EVL: variants seen among roughly 807,000 people sequenced by gnomAD.
EVL encodes the protein Enah/Vasp-like.
EVL carries 21 observed loss-of-function variants against 59.6 expected under a neutral mutation model. The observed-to-expected ratio is 0.35, with a 90% confidence interval of 0.25 to 0.51. EVL has a LOEUF of 0.51. Among genes scored for constraint, EVL ranks in the 20% least tolerant of loss-of-function variants. EVL has a pLI of 0.97. For missense variants in EVL, 462 were observed against 546.6 expected, an observed-to-expected ratio of 0.85 and a Z score of 1.54; for synonymous variants, 198 against 203.5, an observed-to-expected ratio of 0.97 and a Z score of 0.23.
chr14:100,017,801 G>A (rs1345076521), intron 1 of EVL, among the ~76,000 whole-genome samples: 3 of 152,230 alleles, frequency 2.0e-5, no homozygotes, highest in East Asian at 1.9e-4. Context: ...GGTGATTGCT[G>A]TGTGGTTTGG....
chr14:99,987,742 A>T (rs149629070), intron 1 of EVL, among the ~76,000 whole-genome samples: 1,669 of 152,180 alleles, frequency 0.011, 8 homozygotes, highest in Non-Finnish European at 0.019. Context: ...CTATGAGGAA[A>T]AGGCCTTCAT....
intron 2 of EVL, among the ~76,000 whole-genome samples, chr14:100,090,188 AAAATT>A (rs1462075856): frequency 1.3e-5 from 2 of 152,222 alleles, no homozygotes; most frequent in African/African-American, 2.4e-5. Context: ...TCTTTGAAAA[AAAATT>A]AAATTAATAA....
At chr14:100,007,751 A>G (rs2060992115) in intron 1 of EVL, among the ~76,000 whole-genome samples, 1 of 152,196 alleles carries the variant, frequency 6.6e-6, no homozygotes, top group South Asian at 2.1e-4. Flanking sequence ...CAGCTAAAGC[A>G]GATAGATACT....
chr14:100,123,395 G>A (rs1486951105), intron 3 of EVL, 144 bp from the exon 4 acceptor site: 7 of 712,362 alleles, frequency 9.8e-6, no homozygotes, highest in Non-Finnish European at 1.5e-5. Context: ...ATGCACAGGT[G>A]TGAGTGAGGC....
Position 100,128,603 on chromosome 14 carries a change from CAGTCCCACCT to C in EVL, c.573_582del (p.Val192HisfsTer35). ...GGGCCTCCACCGCCCCCCCCACCCC[CAGTCCCACCT>C]CCACCCACTGGGGCTACCCCACCTC... On this transcript the variant is annotated frameshift_variant, in exon 6 of 14. Coordinates refer to ENST00000392920, the MANE Select transcript of EVL (RefSeq NM_016337.3). LOFTEE classifies it high-confidence loss of function. 2 of 1,407,472 alleles carry C rather than the reference CAGTCCCACCT, an allele frequency of 1.4e-6. No homozygotes were observed. The highest frequency in any genetic ancestry group is 9.7e-7 in the Non-Finnish European group (1 of 1,033,244). 87.2% of individuals were successfully genotyped at this position (1,407,472 alleles called of 1,614,324 possible). A position where few individuals can be genotyped will look rare whatever the true frequency, so the allele number is the denominator to read the frequency against.
chr14:100,085,593 A>G (rs1448917249), intron 2 of EVL, among the ~76,000 whole-genome samples: 1 of 152,216 alleles, frequency 6.6e-6, no homozygotes, highest in African/African-American at 2.4e-5. Context: ...TTTGTGAAAA[A>G]GTCTATATAA....
At chr14:99,993,685 CT>C (rs532512303) in intron 1 of EVL, among the ~76,000 whole-genome samples, 201 of 78,264 alleles carry the variant, frequency 2.6e-3, no homozygotes, top group South Asian at 4.3e-3. Flanking sequence ...TTCTTTCTTT[CT>C]TTTTTTTTTT....
chr14:100,105,610 T>G (rs1422483602), intron 3 of EVL, among the ~76,000 whole-genome samples: 5 of 151,846 alleles, frequency 3.3e-5, no homozygotes, highest in Non-Finnish European at 7.4e-5. Context: ...CTGGCTGTGC[T>G]CTTTCTTTGC....
intron 13 of EVL, among the ~76,000 whole-genome samples, chr14:100,143,397 G>A (rs1889317015): frequency 6.6e-6 from 1 of 152,132 alleles, no homozygotes; most frequent in South Asian, 2.1e-4. Flanking sequence ...TCACACCAGA[G>A]TTCTGGTGCC....
intron 1 of EVL, among the ~76,000 whole-genome samples, chr14:100,047,110 C>CTTTTTTTTTTTTTTTTTTTTT: frequency 4.6e-5 from 1 of 21,548 alleles, no homozygotes; most frequent in South Asian, 1.7e-3. Context: ...TTGGGCAGAT[C>CTTTTTTTTTTTTTTTTTTTTT]TCTCTCTCTT....
intron 1 of EVL, among the ~76,000 whole-genome samples, chr14:100,023,636 TA>T (rs1011118687): frequency 1.3e-5 from 2 of 151,572 alleles, no homozygotes; most frequent in African/African-American, 4.9e-5. Flanking sequence ...CTAATTTTTG[TA>T]ATTTTGTAGA....
intron 1 of EVL, among the ~76,000 whole-genome samples, chr14:99,973,660 A>G (rs1354046209): frequency 5.3e-5 from 8 of 152,134 alleles, no homozygotes; most frequent in Non-Finnish European, 2.9e-5. Context: ...ACGGGGTTTC[A>G]CCATGTTGGC....
At chr14:100,119,125 T>G (rs1055174510) in intron 3 of EVL, among the ~76,000 whole-genome samples, 1 of 152,280 alleles carries the variant, frequency 6.6e-6, no homozygotes, top group Non-Finnish European at 1.5e-5. Flanking sequence ...CCAGCCACCC[T>G]GCTCTTGTTT....
At chr14:100,139,646 T>G (rs1290242354) in intron 11 of EVL, 1 of 152,310 alleles carries the variant, frequency 6.6e-6, no homozygotes, top group East Asian at 1.9e-4. Flanking sequence ...GTGGCAACAC[T>G]CATTCTTCAT....
At chr14:100,134,150 C>T (rs948508009) in intron 8 of EVL, among the ~76,000 whole-genome samples, 2 of 152,216 alleles carry the variant, frequency 1.3e-5, no homozygotes, top group Admixed American at 6.5e-5. Context: ...ATACCTTGCA[C>T]ATGCTGTGGA....
intron 1 of EVL, among the ~76,000 whole-genome samples, chr14:100,054,494 C>T (rs72711914): frequency 0.018 from 2,713 of 152,216 alleles, 35 homozygotes; most frequent in Non-Finnish European, 0.027. Context: ...TGAGTCCATA[C>T]CCCAGCCACT....
intron 1 of EVL, among the ~76,000 whole-genome samples, chr14:100,057,461 G>A (rs2061752542): frequency 6.6e-6 from 1 of 151,926 alleles, no homozygotes; most frequent in African/African-American, 2.4e-5. Context: ...ATTTTCTGAG[G>A]ACAAGTCTCA....
chr14:100,020,296 G>A lies in EVL; in HGVS notation c.5+48239G>A, dbSNP rs140740041. On this transcript the variant is annotated intron_variant, in intron 1 of 13. Coordinates refer to the EVL transcript ENST00000402714. ...TAGTGCTCCAAATTAGATCTTTTGTGAATCTTACTCCCTCTCTTCTCCAGG... is the reference window on the plus strand; with the variant it reads ...TAGTGCTCCAAATTAGATCTTTTGTAAATCTTACTCCCTCTCTTCTCCAGG... Among the ~76,000 whole-genome samples, 3 of 152,200 alleles carry A rather than the reference G, an allele frequency of 2.0e-5. No individual in the cohort carries two copies. In the East Asian group the frequency reaches 5.8e-4, roughly 29 times the overall value.
At chr14:100,021,185 G>A (rs2061117857) in intron 1 of EVL, among the ~76,000 whole-genome samples, 1 of 152,184 alleles carries the variant, frequency 6.6e-6, no homozygotes, top group Admixed American at 6.5e-5. Flanking sequence ...AACAGAGCTT[G>A]GAGCCTTTCA....
Sources: gnomAD v4.1 joint callset for allele counts (sites outside exome capture counted in the v4.1 genomes callset) on GRCh38, gnomAD v4.1.1 for gene constraint, MANE v1.5 for transcripts, NCBI Gene and HGNC (gene_info 2026-07-23, HGNC 2026-07-21) for gene names.